The following SMPD4 variants were observed in gnomAD, a reference collection of about 807,000 sequenced individuals.
SMPD4 encodes neutral sphingomyelinase 3.
SMPD4 carries 58 observed loss-of-function variants against 97.8 expected under a neutral mutation model. That is an observed-to-expected ratio of 0.59 (90% CI 0.48 to 0.74). The LOEUF is 0.74. Ranked by LOEUF, SMPD4 falls within the 30% of genes least tolerant of loss-of-function variation. SMPD4 has a pLI of 0.00. For missense variants in SMPD4, 853 were observed against 1,080.5 expected (o/e 0.79, Z 2.95); for synonymous variants, 388 against 450.0 (o/e 0.86, Z 1.74).
At chr2:130,154,516 C>G in intron 15 of SMPD4, 34 bp from the exon 16 acceptor site, 1 of 1,551,280 alleles carries the variant, frequency 6.4e-7, no homozygotes, top group Non-Finnish European at 8.7e-7. Context: ...GCACCCACTT[C>G]CCGGAGGCAG....
chr2:130,152,817 A>C lies in SMPD4; in HGVS notation c.2222T>G (p.Leu741Arg). The change falls in exon 20 of 20, where the codon CTC becomes CGC. Residue 741 changes from leucine to arginine, a missense_variant. Physicochemically the swap from Leu to Arg is moderately radical, Grantham distance 102 (BLOSUM62 -2). Coordinates refer to ENST00000680298, the MANE Select transcript of SMPD4 (RefSeq NM_017951.5). ...DFLGSFCRYH[L>R]TEPGLASRHL... ...CCTGCTGGCCAGCCCAGGTTCTGTG[A>C]GGTGGTAGCGACAGAAGCTGCCGAG... The C allele has an allele frequency of 6.2e-7, 1 of 1,607,498 alleles. No individual in the cohort carries two copies. Among genetic ancestry groups the C allele is most frequent in the Non-Finnish European group, 8.5e-7 (1 of 1,176,182 alleles).
intron 8 of SMPD4, among the ~76,000 whole-genome samples, chr2:130,169,398 G>A (rs1475660861): frequency 1.3e-5 from 2 of 152,022 alleles, no homozygotes; most frequent in Admixed American, 6.6e-5. Context: ...TAATGCATTC[G>A]CTTCTAGGAA....
At chr2:130,159,396 T>C (rs1202662440) in intron 11 of SMPD4, 2 of 151,738 alleles carry the variant, frequency 1.3e-5, no homozygotes, top group African/African-American at 4.8e-5. Flanking sequence ...CCCAACACTT[T>C]GGGAGGCCAA....
In SMPD4 at chr2:130,176,570, T is replaced by G. The variant is rs750220321; in HGVS notation, c.23A>C (p.Gln8Pro). 6.8e-6 allele frequency: 11 copies of G among 1,613,038 alleles called. No homozygotes were observed. Among genetic ancestry groups the G allele is most frequent in the South Asian group, 5.5e-5 (5 of 90,892 alleles). Residue 8 changes from glutamine (Q) to proline (P), a missense_variant, in exon 2 of 20, where the codon CAG becomes CCG. Coordinates refer to ENST00000680298, the MANE Select transcript of SMPD4 (RefSeq NM_017951.5). MAFPHLQ[Q>P]PSFLLASLKA... ...GATATTTACCAGTAGAAAGCTGGGC[T>G]GCTGCAGGTGAGGGAACGCCATAGC...
intron 11 of SMPD4, chr2:130,158,336 G>C: frequency 1.1e-6 from 1 of 931,540 alleles, no homozygotes. Flanking sequence ...TTTTTTTCTT[G>C]AGACAACGTC....
In SMPD4 at chr2:130,155,270, AG is replaced by A. The variant is rs373040336; in HGVS notation, c.1290-12del. ...TGGACAAAGGGTGCCCTGGGGACCG[AG>A]GTGGCAGGTTGGGGCCAGCCTTCCA... On this transcript the variant is annotated splice_polypyrimidine_tract_variant and intron_variant, in intron 14 of 19. Transcript: ENST00000680298. 1,827 of 1,613,850 alleles carry A rather than the reference AG, an allele frequency of 1.1e-3. 13 individuals carry two copies. The highest frequency in any genetic ancestry group is 9.1e-3 in the Middle Eastern group (55 of 6,062).
At chr2:130,177,809 AT>A (rs1028851479) in intron 1 of SMPD4, among the ~76,000 whole-genome samples, 40 of 152,300 alleles carry the variant, frequency 2.6e-4, no homozygotes, top group African/African-American at 9.6e-4. Context: ...CATTTGTTAT[AT>A]ACCAGGACTC....
intron 8 of SMPD4, among the ~76,000 whole-genome samples, chr2:130,171,270 A>G (rs1351013521): frequency 6.6e-6 from 1 of 151,524 alleles, no homozygotes; most frequent in African/African-American, 2.4e-5. Context: ...ATGCCCAGCT[A>G]ATTTTTGTAT....
At position 130,173,537 on chromosome 2, in the gene SMPD4, G is replaced by A. The variant is rs1169123748; in HGVS notation, c.246C>T (p.Ile82=). 7 of 1,606,392 alleles carry A rather than the reference G, an allele frequency of 4.4e-6. No homozygotes were observed. The highest frequency in any genetic ancestry group is 1.7e-4 in the Middle Eastern group (1 of 6,028). The change falls in exon 4 of 20, where the codon ATC becomes ATT. Residue 82 remains isoleucine, a synonymous_variant. Coordinates refer to ENST00000680298, the MANE Select transcript of SMPD4 (RefSeq NM_017951.5). The stretch of plus-strand genomic sequence containing the variant: ...ACCCAGGGTCGAGAAATTCCATCAC[G>A]ATGCTGTACTCCACAGGATTCACGC... ...QGRVNPVEYS[I]VMEFLDPGGP...
rs535332189 is a variant in SMPD4 at position 130,177,905 on chromosome 2, CCT to C, written c.-45-1270_-45-1269del. Among the ~76,000 whole-genome samples the C allele has an allele frequency of 6.7e-4, 102 of 152,220 alleles. No individual in the cohort carries two copies. The South Asian group carries it at 0.01, about 15-fold the overall frequency. On this transcript the variant is annotated intron_variant, in intron 1 of 19. Transcript: ENST00000680298. ...AGATAGCAGCCCAAGATTCCCGACC[CCT>C]GTTTGTTCAATCAAATACTCATCTA...
chr2:130,160,778 C>T (rs1371161698), intron 11 of SMPD4, among the ~76,000 whole-genome samples: 1 of 152,104 alleles, frequency 6.6e-6, no homozygotes, highest in Non-Finnish European at 1.5e-5. Flanking sequence ...AGTCCCAGGC[C>T]TCTGCGTCTT....
intron 15 of SMPD4, chr2:130,154,801 G>A (rs1371362419): frequency 5.1e-6 from 3 of 593,458 alleles, no homozygotes; most frequent in South Asian, 2.0e-5. Context: ...CGGCCAACAC[G>A]AGTTGCCAGG....
intron 1 of SMPD4, among the ~76,000 whole-genome samples, chr2:130,178,456 A>AT (rs1236366458): frequency 6.6e-6 from 1 of 152,162 alleles, no homozygotes; most frequent in African/African-American, 2.4e-5. Context: ...AACGGAGGGG[A>AT]AGAGCAAGCT....
intron 10 of SMPD4, among the ~76,000 whole-genome samples, chr2:130,162,901 CACCCCAAGG>C (rs1414572674): frequency 6.6e-6 from 1 of 152,216 alleles, no homozygotes; most frequent in Non-Finnish European, 1.5e-5. Flanking sequence ...AGGGTCCACC[CACCCCAAGG>C]TCTGGCCAAG....
intron 2 of SMPD4, among the ~76,000 whole-genome samples, chr2:130,175,673 C>A (rs571882986): frequency 6.6e-6 from 1 of 152,118 alleles, no homozygotes; most frequent in Non-Finnish European, 1.5e-5. Context: ...GAGGAAAGCA[C>A]CCTGACTACA....
intron 1 of SMPD4, among the ~76,000 whole-genome samples, chr2:130,177,775 G>T (rs1018852103): frequency 2.6e-5 from 4 of 151,860 alleles, no homozygotes; most frequent in Non-Finnish European, 5.9e-5. Flanking sequence ...TTGTAGTACT[G>T]AATCCTCGGT....
chr2:130,155,045 C>G (rs1198429486), intron 15 of SMPD4, 51 bp downstream of exon 15: 1 of 1,603,988 alleles, frequency 6.2e-7, no homozygotes, highest in South Asian at 1.1e-5. Flanking sequence ...GGGCCTGGCC[C>G]TGGTCTGGCT....
At chr2:130,167,641 G>A (rs769598429) in intron 8 of SMPD4, 51 bp from the exon 9 acceptor site, 35 of 1,540,700 alleles carry the variant, frequency 2.3e-5, no homozygotes, top group South Asian at 1.1e-4. Context: ...GCTGTAACTC[G>A]CTCCCGCTGT....
Position 130,152,689 on chromosome 2 carries a change from G to A in SMPD4, c.2350C>T (p.Leu784=), listed in dbSNP as rs1210286074. The A allele has an allele frequency of 1.3e-6, 2 of 1,573,198 alleles. No individual in the cohort carries two copies. The highest frequency in any genetic ancestry group is 2.4e-5 in the East Asian group (1 of 42,540). Residue 784 remains leucine, a synonymous_variant, in exon 20 of 20, where the codon CTG becomes TTG. Transcript: ENST00000680298. ...AGAGAGGCCACGAAGAAGGCCAGCA[G>A]CAGCGAGACCAGCGTCCGGTAACTG... The part of the protein sequence containing the change: ...LGSYRTLVSL[L]LAFFVASLFC...
Sources: gnomAD v4.1 joint callset for allele counts (sites outside exome capture counted in the v4.1 genomes callset) on GRCh38, gnomAD v4.1.1 for gene constraint, MANE v1.5 for transcripts, NCBI Gene and HGNC (gene_info 2026-07-23, HGNC 2026-07-21) for gene names.